The following CDH4 variants were observed in gnomAD, a reference collection of about 807,000 sequenced individuals.
CDH4 encodes cadherin-4.
CDH4 carries 33 observed loss-of-function variants against 86.0 expected under a neutral mutation model. That is an observed-to-expected ratio of 0.38 (90% CI 0.29 to 0.51). The LOEUF (loss-of-function observed/expected upper bound fraction) is 0.51, where lower values mean the gene tolerates loss of function less well. Among genes scored for constraint, CDH4 ranks in the 20% least tolerant of loss-of-function variants. The probability of loss-of-function intolerance (pLI) is 0.86; values close to 1 mark genes in which losing one functional copy is unlikely to be tolerated. For synonymous variants in CDH4, 555 were observed against 549.4 expected, an observed-to-expected ratio of 1.01 and a Z score of -0.14; for missense variants, 1,114 against 1,307.4, an observed-to-expected ratio of 0.85 and a Z score of 2.28.
intron 2 of CDH4, among the ~76,000 whole-genome samples, chr20:61,605,903 AAAC>A (rs1267518221): frequency 6.6e-6 from 1 of 151,822 alleles, no homozygotes; most frequent in Non-Finnish European, 1.5e-5. Context: ...AAAAAAAAAA[AAAC>A]AGGAAACCAG....
intron 2 of CDH4, among the ~76,000 whole-genome samples, chr20:61,282,863 C>A: frequency 6.6e-6 from 1 of 151,318 alleles, no homozygotes; most frequent in East Asian, 1.9e-4. Flanking sequence ...CACGCATGTG[C>A]TGTGGTGTGT....
chr20:61,852,510 T>C (rs1452865783), intron 5 of CDH4, among the ~76,000 whole-genome samples: 1 of 152,056 alleles, frequency 6.6e-6, no homozygotes, highest in Non-Finnish European at 1.5e-5. Flanking sequence ...CCATGGGGTG[T>C]TGGGGGGTTA....
At chr20:61,874,468 T>C (rs1045711992) in intron 7 of CDH4, among the ~76,000 whole-genome samples, 3 of 152,176 alleles carry the variant, frequency 2.0e-5, no homozygotes, top group African/African-American at 7.2e-5. Context: ...ACGAGGCTTT[T>C]GTGACAGAGG....
At chr20:61,900,408 C>T (rs1370169633) in intron 8 of CDH4, among the ~76,000 whole-genome samples, 3 of 152,126 alleles carry the variant, frequency 2.0e-5, no homozygotes, top group South Asian at 2.1e-4. Flanking sequence ...AGGTGGCAGC[C>T]GCAGGGACCA....
chr20:61,305,888 G>A (rs1294231991), intron 2 of CDH4, among the ~76,000 whole-genome samples: 2 of 152,168 alleles, frequency 1.3e-5, no homozygotes, highest in Admixed American at 1.3e-4. Context: ...AGTGAAGATC[G>A]GCCCACGGAT....
intron 2 of CDH4, among the ~76,000 whole-genome samples, chr20:61,650,060 C>T (rs1255401169): frequency 6.6e-6 from 1 of 152,198 alleles, no homozygotes; most frequent in Non-Finnish European, 1.5e-5. Context: ...GGGCAGTCAG[C>T]GGCTATCCCA....
intron 2 of CDH4, among the ~76,000 whole-genome samples, chr20:61,541,265 G>A (rs1024178037): frequency 2.6e-5 from 4 of 152,282 alleles, no homozygotes; most frequent in Admixed American, 1.3e-4. Context: ...ATTAACGTGC[G>A]GAGAACGCCA....
chr20:61,262,276 C>T (rs1178399034), intron 2 of CDH4, among the ~76,000 whole-genome samples: 3 of 152,140 alleles, frequency 2.0e-5, no homozygotes, highest in Non-Finnish European at 4.4e-5. Flanking sequence ...GCCTTTCTGC[C>T]CATGTCGGGG....
At chr20:61,856,293 C>T (rs1176626984) in intron 6 of CDH4, among the ~76,000 whole-genome samples, 1 of 152,186 alleles carries the variant, frequency 6.6e-6, no homozygotes, top group Admixed American at 6.5e-5. Flanking sequence ...AGAGGAACTT[C>T]GAAGGCTTGG....
chr20:61,695,652 CCAG>C (rs1465275577), intron 2 of CDH4, among the ~76,000 whole-genome samples: 1 of 152,208 alleles, frequency 6.6e-6, no homozygotes, highest in East Asian at 1.9e-4. Flanking sequence ...CCTGGATCCT[CCAG>C]CACGTCCCAC....
intron 2 of CDH4, among the ~76,000 whole-genome samples, chr20:61,655,993 C>T (rs1394322542): frequency 3.3e-5 from 5 of 152,152 alleles, no homozygotes; most frequent in East Asian, 1.9e-4. Context: ...ATATCGTGAA[C>T]AGTCCTGAAG....
chr20:61,279,505 C>T (rs558175601), intron 2 of CDH4, among the ~76,000 whole-genome samples: 1 of 152,216 alleles, frequency 6.6e-6, no homozygotes, highest in Non-Finnish European at 1.5e-5. Flanking sequence ...GGGGGCGGGG[C>T]CTTCCATTTC....
chr20:61,552,916 T>C (rs1271687043), intron 2 of CDH4, among the ~76,000 whole-genome samples: 1 of 152,122 alleles, frequency 6.6e-6, no homozygotes, highest in Non-Finnish European at 1.5e-5. Flanking sequence ...AGAGTTAGCA[T>C]TAGCATATGA....
chr20:61,675,772 C>G (rs11204441), intron 2 of CDH4, among the ~76,000 whole-genome samples: 3 of 58,368 alleles, frequency 5.1e-5, no homozygotes, highest in African/African-American at 6.8e-5. Flanking sequence ...ACAACCATCG[C>G]AGGGGCTGAG....
chr20:61,360,360 G>A (rs1379965400), intron 2 of CDH4, among the ~76,000 whole-genome samples: 3 of 152,322 alleles, frequency 2.0e-5, no homozygotes, highest in East Asian at 1.9e-4. Flanking sequence ...GTGTGCCCTC[G>A]GAGCAGGGCA....
At position 61,754,956 on chromosome 20, in the gene CDH4, G is replaced by A. The variant is rs1325124412; in HGVS notation, c.396+11167G>A. On this transcript the variant is annotated intron_variant, in intron 3 of 15. Transcript: ENST00000614565. The surrounding 1 kb of genome is among the most constrained non-coding windows in gnomAD (Gnocchi z 4.7). ...TCACACTACTGATAAAGACATACTC[G>A]AGACTGGGAAGAAAAAGAGGTTTAG... 3 of 152,290 alleles carry A rather than the reference G, an allele frequency of 2.0e-5. No homozygotes were observed. The highest frequency in any genetic ancestry group is 2.9e-5 in the Non-Finnish European group (2 of 68,068). The allele number at this position is 152,290 out of a possible 1,614,324, so 9.4% of individuals were successfully genotyped here. A position where few individuals can be genotyped will look rare whatever the true frequency, so the allele number is the denominator to read the frequency against.
intron 2 of CDH4, among the ~76,000 whole-genome samples, chr20:61,296,280 G>GGTAT (rs1555834486): frequency 1.5e-5 from 2 of 136,998 alleles, no homozygotes; most frequent in African/African-American, 5.7e-5. Context: ...TGTGTGCGTG[G>GGTAT]GTGCGTGTGT....
intron 4 of CDH4, among the ~76,000 whole-genome samples, chr20:61,796,838 C>T (rs1231182954): frequency 3.3e-5 from 5 of 152,144 alleles, no homozygotes; most frequent in Non-Finnish European, 7.4e-5. Context: ...ATGGAGCTAC[C>T]GAGCAGAAAC....
intron 2 of CDH4, among the ~76,000 whole-genome samples, chr20:61,375,955 ATAGCACTGGTG>A (rs1568819246): frequency 2.0e-3 from 7 of 3,416 alleles, no homozygotes; most frequent in African/African-American, 3.4e-3. Flanking sequence ...GGTGGTGGTC[ATAGCACTGGTG>A]GTGATGGTAT....
Sources: gnomAD v4.1 joint callset for allele counts (sites outside exome capture counted in the v4.1 genomes callset) on GRCh38, gnomAD v4.1.1 for gene constraint, Gnocchi (gnomAD v3.1) non-coding constraint, MANE v1.5 for transcripts, NCBI Gene and HGNC (gene_info 2026-07-23, HGNC 2026-07-21) for gene names.